The following DPP10 variants were observed in gnomAD, a reference collection of about 807,000 sequenced individuals.
The protein encoded by DPP10 is inactive dipeptidyl peptidase 10.
In DPP10, 33 loss-of-function variants were observed where a neutral mutation model predicts 120.9. The observed-to-expected ratio is 0.27, with a 90% CI of 0.21 to 0.37. DPP10 has a LOEUF of 0.37. DPP10 is among the 10% of genes least tolerant of loss of function. DPP10 has a pLI of 1.00. For synonymous variants in DPP10, 337 were observed against 326.1 expected (o/e 1.03, Z -0.36); for missense variants, 816 against 942.8 (o/e 0.87, Z 1.76).
intron 5 of DPP10, among the ~76,000 whole-genome samples, chr2:115,601,371 G>A (rs892484810): frequency 7.2e-5 from 11 of 152,118 alleles, no homozygotes; most frequent in South Asian, 2.1e-4. Context: ...TATCACTCTT[G>A]TAACAGCACA....
chr2:115,666,099 G>T (rs2089433315), intron 5 of DPP10, among the ~76,000 whole-genome samples: 1 of 152,030 alleles, frequency 6.6e-6, no homozygotes, highest in Non-Finnish European at 1.5e-5. Flanking sequence ...GTGTGCATGT[G>T]TACTCAGTGT....
chr2:114,659,343 G>T (rs1697216378), intron 1 of DPP10, among the ~76,000 whole-genome samples: 1 of 149,708 alleles, frequency 6.7e-6, no homozygotes, highest in Non-Finnish European at 1.5e-5. Flanking sequence ...TTTTTTTAAA[G>T]ATTCAAAAAT....
intron 1 of DPP10, among the ~76,000 whole-genome samples, chr2:114,831,890 T>TAA (rs1376841091): frequency 1.3e-5 from 2 of 148,452 alleles, no homozygotes; most frequent in East Asian, 1.9e-4. Flanking sequence ...TGTATATATA[T>TAA]AACCAAGGCA....
At chr2:114,663,664 T>TAGAGAGAGAGAGAGAGAGAGAGAG (rs1374317856) in intron 1 of DPP10, among the ~76,000 whole-genome samples, 15 of 95,430 alleles carry the variant, frequency 1.6e-4, no homozygotes, top group African/African-American at 9.1e-4. Flanking sequence ...TATATATATA[T>TAGAGAGAGAGAGAGAGAGAGAGAG]ATATAGAGAG....
chr2:115,533,646 G>A (rs2078610088), intron 5 of DPP10, among the ~76,000 whole-genome samples: 2 of 151,968 alleles, frequency 1.3e-5, no homozygotes, highest in Non-Finnish European at 2.9e-5. Flanking sequence ...ACATAATCTG[G>A]TTATAGAATT....
At chr2:115,511,292 A>G (rs1575058680) in intron 4 of DPP10, among the ~76,000 whole-genome samples, 1 of 152,158 alleles carries the variant, frequency 6.6e-6, no homozygotes. Context: ...CCAAATATAT[A>G]TTACTTCTGA....
chr2:114,892,493 CA>C (rs1158051091), intron 1 of DPP10, among the ~76,000 whole-genome samples: 7 of 152,100 alleles, frequency 4.6e-5, no homozygotes, highest in Admixed American at 3.9e-4. Flanking sequence ...ATCTATGATC[CA>C]GCTTGTTATC....
intron 21 of DPP10, among the ~76,000 whole-genome samples, chr2:115,825,604 C>T (rs142973935): frequency 6.6e-5 from 10 of 152,078 alleles, no homozygotes; most frequent in African/African-American, 2.4e-4. Flanking sequence ...TTTTCAAACT[C>T]CAATTCAAAC....
At chr2:114,684,031 T>A (rs1699205902) in intron 1 of DPP10, among the ~76,000 whole-genome samples, 1 of 151,942 alleles carries the variant, frequency 6.6e-6, no homozygotes, top group South Asian at 2.1e-4. Flanking sequence ...ACTCAAAGAT[T>A]CTCACTGCCT....
intron 1 of DPP10, among the ~76,000 whole-genome samples, chr2:114,543,671 C>T (rs1051583875): frequency 2.0e-5 from 3 of 152,154 alleles, no homozygotes; most frequent in Non-Finnish European, 4.4e-5. Flanking sequence ...AGTCATTAAG[C>T]AAGCAAACTC....
chr2:114,557,199 T>C (rs551939068), intron 1 of DPP10, among the ~76,000 whole-genome samples: 1 of 152,238 alleles, frequency 6.6e-6, no homozygotes, highest in East Asian at 1.9e-4. Flanking sequence ...AATGAACTTT[T>C]GCAAGAACGA....
intron 1 of DPP10, among the ~76,000 whole-genome samples, chr2:115,113,840 G>A (rs1482047113): frequency 1.3e-5 from 2 of 152,226 alleles, no homozygotes; most frequent in African/African-American, 2.4e-5. Context: ...TTCTTATTTA[G>A]CTGTTATTCT....
At chr2:115,408,510 G>A (rs1164496729) in intron 3 of DPP10, among the ~76,000 whole-genome samples, 3 of 152,012 alleles carry the variant, frequency 2.0e-5, no homozygotes, top group Non-Finnish European at 4.4e-5. Flanking sequence ...TTACACAACT[G>A]TAAAATATAC....
chr2:114,963,116 A>G (rs748246834), intron 1 of DPP10, among the ~76,000 whole-genome samples: 1 of 152,232 alleles, frequency 6.6e-6, no homozygotes, highest in Non-Finnish European at 1.5e-5. Context: ...TTATCTTTGC[A>G]TATACTTATA....
chr2:115,419,721 GA>G, intron 3 of DPP10, among the ~76,000 whole-genome samples: 1 of 152,180 alleles, frequency 6.6e-6, no homozygotes, highest in African/African-American at 2.4e-5. Context: ...CTCTATTCCT[GA>G]TGACTTAAAT....
At chr2:114,852,100 C>A (rs1688985758) in intron 1 of DPP10, among the ~76,000 whole-genome samples, 1 of 148,232 alleles carries the variant, frequency 6.7e-6, no homozygotes, top group Non-Finnish European at 1.5e-5. Flanking sequence ...TATGCCATCC[C>A]ACATTTGCTA....
chr2:114,851,675 A>G (rs946519106), intron 1 of DPP10, among the ~76,000 whole-genome samples: 9 of 152,242 alleles, frequency 5.9e-5, no homozygotes, highest in Non-Finnish European at 1.0e-4. Context: ...ACAGCAATTT[A>G]TACCATTTTA....
At chr2:114,547,473 C>G (rs7581096) in intron 1 of DPP10, among the ~76,000 whole-genome samples, 45,203 of 151,202 alleles carry the variant, frequency 0.3, 8,407 homozygotes, top group African/African-American at 0.54. Flanking sequence ...TTTCCTTTTT[C>G]CATAAAGCAG....
At chr2:115,667,273 T>C (rs2089527251) in intron 5 of DPP10, among the ~76,000 whole-genome samples, 1 of 152,188 alleles carries the variant, frequency 6.6e-6, no homozygotes, top group Non-Finnish European at 1.5e-5. Context: ...GATGCATAAA[T>C]TATAAATACT....
Sources: gnomAD v4.1 joint callset for allele counts (sites outside exome capture counted in the v4.1 genomes callset) on GRCh38, gnomAD v4.1.1 for gene constraint, MANE v1.5 for transcripts, NCBI Gene and HGNC (gene_info 2026-07-23, HGNC 2026-07-21) for gene names.